Variants in CNTNAP2 observed in about 807,000 individuals in gnomAD.
CNTNAP2 encodes the protein contactin-associated protein-like 2.
Under a neutral mutation model 155.2 loss-of-function variants are expected in CNTNAP2, and 98 were observed. That is an observed-to-expected ratio of 0.63 (90% CI 0.54 to 0.75). The LOEUF is 0.75. Among genes scored for constraint, CNTNAP2 ranks in the 30% least tolerant of loss-of-function variants. The pLI, the probability that CNTNAP2 is intolerant of heterozygous loss-of-function variation, is 0.00. For synonymous variants in CNTNAP2, 651 were observed against 631.2 expected, an observed-to-expected ratio of 1.03 and a Z score of -0.47; for missense variants, 1,727 against 1,688.1, an observed-to-expected ratio of 1.02 and a Z score of -0.40.
intron 8 of CNTNAP2, among the ~76,000 whole-genome samples, chr7:147,139,196 A>G (rs2129286818): frequency 6.6e-6 from 1 of 152,228 alleles, no homozygotes; most frequent in Non-Finnish European, 1.5e-5. Flanking sequence ...CATGTACAGA[A>G]TGATGTCCTG....
intron 9 of CNTNAP2, among the ~76,000 whole-genome samples, chr7:147,344,629 G>A (rs1795818221): frequency 6.6e-6 from 1 of 152,120 alleles, no homozygotes; most frequent in African/African-American, 2.4e-5. Flanking sequence ...AACTTTTGTA[G>A]ATACTTCAGC....
chr7:148,057,942 G>A (rs1047741183), intron 15 of CNTNAP2, among the ~76,000 whole-genome samples: 1 of 133,104 alleles, frequency 7.5e-6, no homozygotes, highest in Non-Finnish European at 1.6e-5. Flanking sequence ...GCATGACTCA[G>A]CTTCCAGCTT....
Position 148,110,714 on chromosome 7 carries a change from G to A in CNTNAP2, c.2384-7404G>A, listed in dbSNP as rs544688520. Among the ~76,000 whole-genome samples, 21 of 152,226 alleles carry A rather than the reference G, an allele frequency of 1.4e-4. No homozygotes were observed. The South Asian group carries it at 2.7e-3, about 20-fold the overall frequency. ...CCGGGCTCAGAGCCGGAGGAATGGC[G>A]GAACGTCTATGTGAGGGTCAGTCAC... is the stretch of plus-strand genomic sequence containing the variant. On this transcript the variant is annotated intron_variant, in intron 15 of 23. Coordinates refer to ENST00000361727, the MANE Select transcript of CNTNAP2 (RefSeq NM_014141.6).
intron 3 of CNTNAP2, among the ~76,000 whole-genome samples, chr7:146,964,371 A>C (rs1797614736): frequency 6.6e-6 from 1 of 152,154 alleles, no homozygotes; most frequent in Non-Finnish European, 1.5e-5. Flanking sequence ...TGTCTTTAAA[A>C]CTGATTTGTT....
intron 9 of CNTNAP2, among the ~76,000 whole-genome samples, chr7:147,350,955 T>C (rs139242651): frequency 6.6e-6 from 1 of 151,010 alleles, no homozygotes; most frequent in East Asian, 1.9e-4. Context: ...ATATGATCAT[T>C]TTCATTTGGC....
At chr7:147,445,247 TAACA>T (rs1347399765) in intron 10 of CNTNAP2, among the ~76,000 whole-genome samples, 1 of 152,240 alleles carries the variant, frequency 6.6e-6, no homozygotes, top group Non-Finnish European at 1.5e-5. Context: ...AAAGTTATTA[TAACA>T]GATGGTGGTG....
intron 4 of CNTNAP2, among the ~76,000 whole-genome samples, chr7:147,059,898 G>A (rs539603809): frequency 7.9e-5 from 12 of 152,036 alleles, no homozygotes; most frequent in African/African-American, 2.9e-4. Flanking sequence ...TAGAAAGAAT[G>A]GTTATAATAA....
intron 8 of CNTNAP2, among the ~76,000 whole-genome samples, chr7:147,253,559 TG>T (rs1445582080): frequency 6.6e-6 from 1 of 152,164 alleles, no homozygotes; most frequent in South Asian, 2.1e-4. Context: ...CAAAGATCTC[TG>T]AAGATTTTGA....
At chr7:146,482,756 C>T (rs1321233802) in intron 1 of CNTNAP2, among the ~76,000 whole-genome samples, 1 of 151,044 alleles carries the variant, frequency 6.6e-6, no homozygotes, top group African/African-American at 2.4e-5. Flanking sequence ...AAAAAATTGT[C>T]ATAATTTAAA....
chr7:147,920,304 C>G (rs1044735983), intron 14 of CNTNAP2, among the ~76,000 whole-genome samples: 2 of 134,468 alleles, frequency 1.5e-5, no homozygotes, highest in African/African-American at 5.8e-5. Flanking sequence ...TGCAGTGAGC[C>G]GAGATGGCAC....
At chr7:146,744,115 C>G (rs59501928) in intron 1 of CNTNAP2, among the ~76,000 whole-genome samples, 1 of 149,052 alleles carries the variant, frequency 6.7e-6, no homozygotes, top group African/African-American at 2.5e-5. Flanking sequence ...GTAATCCCAG[C>G]TAATTGGGAG....
chr7:147,217,425 A>G (rs1233076653), intron 8 of CNTNAP2, among the ~76,000 whole-genome samples: 1 of 151,868 alleles, frequency 6.6e-6, no homozygotes, highest in Non-Finnish European at 1.5e-5. Context: ...GATTTTTTAA[A>G]TTTAGTTTGT....
intron 17 of CNTNAP2, among the ~76,000 whole-genome samples, chr7:148,167,376 T>A (rs1440387346): frequency 6.6e-6 from 1 of 152,108 alleles, no homozygotes; most frequent in Admixed American, 6.6e-5. Flanking sequence ...TGACCTCAGA[T>A]GATCTGCCCG....
intron 1 of CNTNAP2, among the ~76,000 whole-genome samples, chr7:146,324,874 A>G (rs1801070119): frequency 1.3e-5 from 2 of 152,184 alleles, no homozygotes; most frequent in Non-Finnish European, 2.9e-5. Context: ...CAATTTTAGT[A>G]TAAGAAAATA....
At chr7:146,158,596 G>A (rs969947172) in intron 1 of CNTNAP2, among the ~76,000 whole-genome samples, 1 of 152,174 alleles carries the variant, frequency 6.6e-6, no homozygotes, top group African/African-American at 2.4e-5. Context: ...TGTGACGCAT[G>A]TGCAAGCTTC....
chr7:147,004,112 ATGATATTTGGCGAGGAAAT>A (rs1422165795), intron 3 of CNTNAP2, among the ~76,000 whole-genome samples: 1 of 151,744 alleles, frequency 6.6e-6, no homozygotes, highest in African/African-American at 2.4e-5. Flanking sequence ...ATATATTTCC[ATGATATTTGGCGAGGAAAT>A]ATATTTGGTT....
At chr7:147,524,029 A>C (rs1351538916) in intron 11 of CNTNAP2, among the ~76,000 whole-genome samples, 1 of 152,144 alleles carries the variant, frequency 6.6e-6, no homozygotes, top group African/African-American at 2.4e-5. Flanking sequence ...AGTTCCACAG[A>C]TGACTTCGGA....
intron 3 of CNTNAP2, among the ~76,000 whole-genome samples, chr7:146,928,043 C>A (rs1049312679): frequency 5.3e-5 from 8 of 151,616 alleles, no homozygotes; most frequent in African/African-American, 1.2e-4. Flanking sequence ...CCTCCATCCT[C>A]CTGTTTCTAC....
At chr7:146,289,751 A>G (rs1048557806) in intron 1 of CNTNAP2, among the ~76,000 whole-genome samples, 1 of 152,180 alleles carries the variant, frequency 6.6e-6, no homozygotes, top group African/African-American at 2.4e-5. Context: ...TAAAAAATAA[A>G]TTTTATCATA....
Sources: allele counts gnomAD v4.1 joint callset (sites outside exome capture counted in the v4.1 genomes callset), GRCh38; gene constraint gnomAD v4.1.1; transcripts MANE v1.5; gene names NCBI Gene and HGNC (gene_info 2026-07-23, HGNC 2026-07-21).